The following LRRTM4 variants were observed in gnomAD, a reference collection of about 807,000 sequenced individuals.
LRRTM4 encodes leucine-rich repeat transmembrane neuronal protein 4.
A neutral mutation model predicts 47.6 loss-of-function variants in LRRTM4; 25 were observed. The ratio of observed to expected loss-of-function variants is 0.53; its 90% CI spans 0.38 to 0.73. The LOEUF (loss-of-function observed/expected upper bound fraction) is 0.73, where lower values mean the gene tolerates loss of function less well. LRRTM4 is among the 30% of genes least tolerant of loss of function. The probability of loss-of-function intolerance (pLI) is 0.00; values close to 1 mark genes in which losing one functional copy is unlikely to be tolerated. For synonymous variants in LRRTM4, 311 were observed against 269.5 expected (o/e 1.15, Z -1.51); for missense variants, 638 against 713.4 (o/e 0.89, Z 1.20).
intron 3 of LRRTM4, among the ~76,000 whole-genome samples, chr2:77,103,050 T>C (rs534125865): frequency 6.6e-6 from 1 of 152,118 alleles, no homozygotes; most frequent in East Asian, 1.9e-4. Context: ...CCCATTTATA[T>C]TGAACAAAGT....
intron 3 of LRRTM4, among the ~76,000 whole-genome samples, chr2:77,272,018 G>GA (rs140840436): frequency 0.025 from 3,793 of 152,074 alleles, 172 homozygotes; most frequent in African/African-American, 0.087. Context: ...CTTTCCTATG[G>GA]TTTTTTGCTT....
chr2:76,833,426 A>G (rs1462652407), intron 3 of LRRTM4, among the ~76,000 whole-genome samples: 1 of 152,112 alleles, frequency 6.6e-6, no homozygotes, highest in Non-Finnish European at 1.5e-5. Flanking sequence ...GAGAAACTAG[A>G]TATAAAGAAA....
intron 3 of LRRTM4, among the ~76,000 whole-genome samples, chr2:76,795,876 G>C (rs1475714158): frequency 1.3e-5 from 2 of 151,900 alleles, no homozygotes; most frequent in Admixed American, 6.6e-5. Flanking sequence ...GCAGAAGACG[G>C]GTGATTTCTG....
intron 3 of LRRTM4, among the ~76,000 whole-genome samples, chr2:77,277,937 A>G (rs1676405405): frequency 6.6e-6 from 1 of 151,922 alleles, no homozygotes; most frequent in African/African-American, 2.4e-5. Context: ...AATTAAATTC[A>G]TTTGCTAGGG....
At chr2:77,211,973 A>C (rs1674304420) in intron 3 of LRRTM4, among the ~76,000 whole-genome samples, 1 of 152,094 alleles carries the variant, frequency 6.6e-6, no homozygotes, top group African/African-American at 2.4e-5. Flanking sequence ...TTGTGGATTA[A>C]AAACAATGAG....
intron 3 of LRRTM4, among the ~76,000 whole-genome samples, chr2:77,412,587 T>G (rs536281118): frequency 6.6e-6 from 1 of 152,188 alleles, no homozygotes; most frequent in South Asian, 2.1e-4. Context: ...ACTGAAGATA[T>G]GACAACATTG....
At chr2:77,070,898 G>A (rs1210098656) in intron 3 of LRRTM4, among the ~76,000 whole-genome samples, 7 of 152,162 alleles carry the variant, frequency 4.6e-5, no homozygotes, top group Non-Finnish European at 1.0e-4. Context: ...GATTACAGGT[G>A]TGAGCCACTG....
rs1440353094 is a variant in LRRTM4 at position 76,900,839 on chromosome 2, T to A, written c.1552-151923A>T. On this transcript the variant is annotated intron_variant, in intron 3 of 3. Transcript: ENST00000409884. ...ATATGCTAAGTAAAAACAGTGCAAT[T>A]CTGAGTCCTCTGACATTTAATTAAC... Among the ~76,000 whole-genome samples, 6 of 152,254 alleles carry A rather than the reference T, an allele frequency of 3.9e-5. No individual in the cohort carries two copies. The East Asian group carries it at 1.2e-3, about 29-fold the overall frequency.
intron 3 of LRRTM4, among the ~76,000 whole-genome samples, chr2:76,953,393 C>T (rs969815000): frequency 2.0e-5 from 3 of 151,772 alleles, no homozygotes; most frequent in East Asian, 2.0e-4. Flanking sequence ...TGCTTTGAAA[C>T]GGGCAAAAAT....
intron 3 of LRRTM4, among the ~76,000 whole-genome samples, chr2:77,484,600 T>C (rs1003158085): frequency 1.3e-5 from 2 of 152,224 alleles, no homozygotes; most frequent in Non-Finnish European, 2.9e-5. Flanking sequence ...AGAACATTAG[T>C]AATTAGGATA....
chr2:77,266,222 A>G (rs951195139), intron 3 of LRRTM4, among the ~76,000 whole-genome samples: 1 of 152,186 alleles, frequency 6.6e-6, no homozygotes, highest in Non-Finnish European at 1.5e-5. Context: ...CTAGATGTAA[A>G]GGAAGACTCT....
At chr2:77,087,735 G>C (rs1218901835) in intron 3 of LRRTM4, among the ~76,000 whole-genome samples, 2 of 152,106 alleles carry the variant, frequency 1.3e-5, no homozygotes, top group Non-Finnish European at 2.9e-5. Flanking sequence ...AATTGAAAAT[G>C]ATACAAAGGT....
chr2:76,941,850 A>T (rs1410681805), intron 3 of LRRTM4, among the ~76,000 whole-genome samples: 1 of 152,180 alleles, frequency 6.6e-6, no homozygotes, highest in African/African-American at 2.4e-5. Flanking sequence ...GCTGGGTCAA[A>T]TGGTATTTCT....
At chr2:77,516,392 T>C (rs888612139) in intron 3 of LRRTM4, among the ~76,000 whole-genome samples, 7 of 151,806 alleles carry the variant, frequency 4.6e-5, no homozygotes, top group Non-Finnish European at 7.4e-5. Context: ...TCTGGAAAAG[T>C]CTTAGAACCC....
chr2:76,958,577 G>T (rs1397501705), intron 3 of LRRTM4, among the ~76,000 whole-genome samples: 1 of 151,636 alleles, frequency 6.6e-6, no homozygotes, highest in African/African-American at 2.4e-5. Flanking sequence ...GGTTCACAGT[G>T]AGGCCCTGAA....
chr2:76,764,973 G>A (rs1156892331), intron 3 of LRRTM4, among the ~76,000 whole-genome samples: 2 of 152,186 alleles, frequency 1.3e-5, no homozygotes, highest in Admixed American at 1.3e-4. Context: ...TTGTGGAAGT[G>A]GAGCTGTCGC....
At chr2:77,326,786 C>A (rs1438197948) in intron 3 of LRRTM4, among the ~76,000 whole-genome samples, 3 of 152,102 alleles carry the variant, frequency 2.0e-5, no homozygotes, top group African/African-American at 7.2e-5. Flanking sequence ...TATTTCCAGC[C>A]AATGAATGGA....
chr2:77,114,813 C>T (rs772064018), intron 3 of LRRTM4, among the ~76,000 whole-genome samples: 4 of 152,012 alleles, frequency 2.6e-5, no homozygotes, highest in Non-Finnish European at 4.4e-5. Flanking sequence ...GTATGAACAG[C>T]GAGTAAGTCA....
chr2:76,950,966 T>C (rs192025237), intron 3 of LRRTM4, among the ~76,000 whole-genome samples: 2 of 152,156 alleles, frequency 1.3e-5, no homozygotes, highest in Non-Finnish European at 2.9e-5. Context: ...TTCAACACTT[T>C]GGAGGAGGAA....
Sources: gnomAD v4.1 joint callset for allele counts (sites outside exome capture counted in the v4.1 genomes callset) on GRCh38, gnomAD v4.1.1 for gene constraint, MANE v1.5 for transcripts, NCBI Gene and HGNC (gene_info 2026-07-23, HGNC 2026-07-21) for gene names.